Variants in CCDC167 observed in about 807,000 individuals in gnomAD.
CCDC167 encodes the protein coiled-coil domain-containing protein 167.
A neutral mutation model predicts 12.7 loss-of-function variants in CCDC167; 15 were observed. The ratio of observed to expected loss-of-function variants is 1.18; its 90% CI spans 0.79 to 1.81. CCDC167 has a LOEUF of 1.81. Ranked by LOEUF, CCDC167 falls within the 40% of genes most tolerant of loss-of-function variation. The pLI, the probability that CCDC167 is intolerant of heterozygous loss-of-function variation, is 0.00. For missense variants in CCDC167, 121 were observed against 120.1 expected (o/e 1.01, Z -0.03); for synonymous variants, 52 against 49.0 (o/e 1.06, Z -0.26).
chr6:37,498,356 C>T (rs1322025813), intron 1 of CCDC167, among the ~76,000 whole-genome samples: 2 of 152,090 alleles, frequency 1.3e-5, no homozygotes, highest in South Asian at 4.1e-4. Context: ...ATGCAGGTTA[C>T]AAAGTCTATG....
chr6:37,488,131 A>C lies in CCDC167; in HGVS notation c.43-2937T>G, dbSNP rs916571132. Among the ~76,000 whole-genome samples, 66 of 152,226 alleles carry C rather than the reference A, an allele frequency of 4.3e-4. 1 individual carries two copies. Among genetic ancestry groups the C allele is most frequent in the Admixed American group, 4.3e-3 (66 of 15,288 alleles). Reference sequence around the variant, plus strand: ...ACTGGGCCTGGTTCGGGAAGCTGACAATCAAACACCCTGCAGCATTTGCTG... The same window carrying C: ...ACTGGGCCTGGTTCGGGAAGCTGACCATCAAACACCCTGCAGCATTTGCTG... On this transcript the variant is annotated intron_variant, in intron 1 of 3. Transcript: ENST00000373408.
intron 1 of CCDC167, 124 bp downstream of exon 1, chr6:37,499,698 A>C (rs934220087): frequency 8.9e-7 from 1 of 1,118,098 alleles, no homozygotes; most frequent in Non-Finnish European, 1.3e-6. Flanking sequence ...CCCTCTCCCC[A>C]AACCGCGTCG....
chr6:37,485,990 G>C (rs975238387), intron 1 of CCDC167, among the ~76,000 whole-genome samples: 1 of 152,182 alleles, frequency 6.6e-6, no homozygotes, highest in Non-Finnish European at 1.5e-5. Context: ...CCAAACCTGG[G>C]TTTTGGCATT....
At chr6:37,493,216 G>A (rs1270079197) in intron 1 of CCDC167, among the ~76,000 whole-genome samples, 4 of 152,248 alleles carry the variant, frequency 2.6e-5, no homozygotes, top group African/African-American at 9.6e-5. Flanking sequence ...GCGAGGAGAC[G>A]GAGGCCGAGC....
chr6:37,499,759 C>A, intron 1 of CCDC167, 63 bp downstream of exon 1: 1 of 1,554,228 alleles, frequency 6.4e-7, no homozygotes, highest in South Asian at 1.1e-5. Context: ...CCAGCCTATC[C>A]CTTATCCCGC....
chr6:37,493,675 C>A (rs1340021098), intron 1 of CCDC167, among the ~76,000 whole-genome samples: 6 of 152,272 alleles, frequency 3.9e-5, no homozygotes. Flanking sequence ...GCTTGGGGTT[C>A]AGGGTCCCAG....
At chr6:37,489,253 C>CAAA (rs747421465) in intron 1 of CCDC167, among the ~76,000 whole-genome samples, 9 of 149,228 alleles carry the variant, frequency 6.0e-5, no homozygotes, top group African/African-American at 2.2e-4. Context: ...AACAAACAAA[C>CAAA]AAAAAAAAAC....
chr6:37,490,086 G>A (rs567120318), intron 1 of CCDC167, among the ~76,000 whole-genome samples: 2 of 152,214 alleles, frequency 1.3e-5, no homozygotes, highest in African/African-American at 2.4e-5. Context: ...ACAGGGCTGC[G>A]ATCTGCAGGG....
intron 1 of CCDC167, among the ~76,000 whole-genome samples, chr6:37,488,276 T>TACAGAGCAGAGCTG (rs1418588700): frequency 1.3e-5 from 2 of 152,136 alleles, no homozygotes; most frequent in African/African-American, 4.8e-5. Flanking sequence ...GAGTGGTGGC[T>TACAGAGCAGAGCTG]ACAGAGCAGA....
chr6:37,498,143 G>A (rs568552707), intron 1 of CCDC167, among the ~76,000 whole-genome samples: 4 of 152,214 alleles, frequency 2.6e-5, no homozygotes, highest in Admixed American at 6.5e-5. Context: ...TGGAATCTGT[G>A]AATAATGAGG....
At chr6:37,486,617 C>A (rs981840629) in intron 1 of CCDC167, among the ~76,000 whole-genome samples, 1 of 152,138 alleles carries the variant, frequency 6.6e-6, no homozygotes, top group African/African-American at 2.4e-5. Context: ...TAAGCAGGGC[C>A]CTGTGGGAGA....
In CCDC167 at chr6:37,490,608, C is replaced by T. The variant is rs368489435; in HGVS notation, c.43-5414G>A. ...CTGCTGGGTGAAGGAGTGAGCTCAG[C>T]GAGGAGACCCATGAGACCAAAGGCC... On this transcript the variant is annotated intron_variant, in intron 1 of 3. Coordinates refer to ENST00000373408, the MANE Select transcript of CCDC167 (RefSeq NM_138493.3). 1.4e-4 allele frequency among the ~76,000 whole-genome samples: 22 copies of T among 152,160 alleles called. No homozygotes were observed. In the East Asian group the frequency reaches 3.3e-3, roughly 23 times the overall value.
chr6:37,488,222 G>A (rs1190234995), intron 1 of CCDC167, among the ~76,000 whole-genome samples: 1 of 152,248 alleles, frequency 6.6e-6, no homozygotes, highest in African/African-American at 2.4e-5. Context: ...AGGCAGGGAG[G>A]GAAGGTAGGT....
At chr6:37,499,666 T>TG (rs976601965) in intron 1 of CCDC167, among the ~76,000 whole-genome samples, 156 bp downstream of exon 1, 11 of 152,046 alleles carry the variant, frequency 7.2e-5, no homozygotes, top group African/African-American at 2.4e-4. Context: ...GGGAACCCCG[T>TG]GGGCCTTCTC....
chr6:37,487,414 A>G (rs1215724237), intron 1 of CCDC167, among the ~76,000 whole-genome samples: 1 of 152,238 alleles, frequency 6.6e-6, no homozygotes, highest in East Asian at 1.9e-4. Flanking sequence ...TCACGTAGCA[A>G]CTGGAGCCTG....
At chr6:37,492,176 G>A (rs184994727) in intron 1 of CCDC167, among the ~76,000 whole-genome samples, 1 of 152,302 alleles carries the variant, frequency 6.6e-6, no homozygotes, top group Non-Finnish European at 1.5e-5. Flanking sequence ...CCTGAATCTG[G>A]GTTTTTCTGC....
intron 1 of CCDC167, among the ~76,000 whole-genome samples, chr6:37,487,938 T>C (rs1009559039): frequency 6.6e-6 from 1 of 152,226 alleles, no homozygotes; most frequent in African/African-American, 2.4e-5. Flanking sequence ...TCTATGAATA[T>C]TTATGTCCTG....
At chr6:37,495,813 T>A (rs988308868) in intron 1 of CCDC167, among the ~76,000 whole-genome samples, 4 of 152,204 alleles carry the variant, frequency 2.6e-5, no homozygotes, top group African/African-American at 9.6e-5. Context: ...AACAAACATT[T>A]TTGATTAAAT....
chr6:37,487,677 A>G (rs775717034), intron 1 of CCDC167, among the ~76,000 whole-genome samples: 1 of 152,242 alleles, frequency 6.6e-6, no homozygotes, highest in African/African-American at 2.4e-5. Context: ...AATTGCCCCC[A>G]GAGCAAGGCC....
Sources: gnomAD v4.1 joint callset for allele counts (sites outside exome capture counted in the v4.1 genomes callset) on GRCh38, gnomAD v4.1.1 for gene constraint, MANE v1.5 for transcripts, NCBI Gene and HGNC (gene_info 2026-07-23, HGNC 2026-07-21) for gene names.